TOGARAM2: variants seen among roughly 807,000 people sequenced by gnomAD.
TOGARAM2 encodes TOG array regulator of axonemal microtubules 2.
In TOGARAM2, 85 loss-of-function variants were observed where a neutral mutation model predicts 93.3. That is an observed-to-expected ratio of 0.91 (90% CI 0.76 to 1.09). The LOEUF is 1.09. TOGARAM2 is among the 50% of genes least tolerant of loss of function. The probability of loss-of-function intolerance (pLI) is 0.00; values close to 1 mark genes in which losing one functional copy is unlikely to be tolerated. For missense variants in TOGARAM2, 1,277 were observed against 1,334.5 expected (o/e 0.96, Z 0.67); for synonymous variants, 593 against 552.8 (o/e 1.07, Z -1.02).
rs1667107706 is a variant in TOGARAM2 at position 29,052,066 on chromosome 2, C to A, written c.3033C>A (p.Gly1011=). The A allele has an allele frequency of 6.3e-7, 1 of 1,599,620 alleles. No individual in the cohort carries two copies. Among genetic ancestry groups the A allele is most frequent in the Non-Finnish European group, 8.5e-7 (1 of 1,170,002 alleles). The change falls in exon 20 of 20, where the codon GGC becomes GGA. Residue 1011 remains glycine (G), a synonymous_variant. Transcript: ENST00000379558. The stretch of plus-strand genomic sequence containing the variant: ...TGGCCCCTGACAGCAAGACAACTGG[C>A]AGCTCATACCCTTTTCAGCTGGATT... The part of the protein sequence containing the change: ...RGVAPDSKTT[G]SSYPFQLD
intron 1 of TOGARAM2, among the ~76,000 whole-genome samples, chr2:28,966,253 G>A (rs1485400282): frequency 6.6e-6 from 1 of 151,540 alleles, no homozygotes; most frequent in East Asian, 1.9e-4. Context: ...GGTGTCCCAA[G>A]GTGCCAGGAT....
chr2:29,011,646 C>T (rs751186144), intron 7 of TOGARAM2, 145 bp downstream of exon 7: 18 of 829,936 alleles, frequency 2.2e-5, no homozygotes, highest in Middle Eastern at 2.3e-4. Context: ...CTGAAGTCAC[C>T]GGAGGTCTAA....
chr2:29,013,924 G>A (rs1286983181), intron 7 of TOGARAM2, among the ~76,000 whole-genome samples: 1 of 152,210 alleles, frequency 6.6e-6, no homozygotes, highest in Non-Finnish European at 1.5e-5. Context: ...TGTGAAATGA[G>A]ACTGGACTAG....
chr2:28,986,112 CAAAA>C (rs34903095), intron 1 of TOGARAM2, among the ~76,000 whole-genome samples: 1 of 95,056 alleles, frequency 1.1e-5, no homozygotes. Context: ...AACTGTGTCT[CAAAA>C]AAAAAAAAAA....
At chr2:29,005,618 C>A (rs866738582) in intron 6 of TOGARAM2, among the ~76,000 whole-genome samples, 1 of 21,468 alleles carries the variant, frequency 4.7e-5, no homozygotes, top group Non-Finnish European at 1.8e-4. Flanking sequence ...CATGTGAGTG[C>A]ATGTGTGGAG....
chr2:29,046,191 A>T (rs374962734), intron 19 of TOGARAM2: 1 of 152,270 alleles, frequency 6.6e-6, no homozygotes, highest in East Asian at 1.9e-4. Context: ...GGTTGCTCCA[A>T]TCCTGTTTCT....
chr2:29,043,034 C>T (rs10208411), intron 18 of TOGARAM2, among the ~76,000 whole-genome samples: 17 of 152,240 alleles, frequency 1.1e-4, no homozygotes, highest in South Asian at 2.1e-4. Context: ...TGGGAGGTGA[C>T]GGAGGAAGAA....
At chr2:29,005,812 G>A (rs973195080) in intron 6 of TOGARAM2, among the ~76,000 whole-genome samples, 1 of 149,320 alleles carries the variant, frequency 6.7e-6, no homozygotes, top group African/African-American at 2.5e-5. Flanking sequence ...GTGCATGTGT[G>A]TGAGTGCATG....
chr2:29,004,790 CTGAG>C (rs1342053027), intron 6 of TOGARAM2, among the ~76,000 whole-genome samples: 23 of 147,222 alleles, frequency 1.6e-4, no homozygotes, highest in South Asian at 1.1e-3. Flanking sequence ...GAGTATGTGT[CTGAG>C]TGTGTCTGAG....
intron 13 of TOGARAM2, among the ~76,000 whole-genome samples, chr2:29,026,202 C>T (rs547341622): frequency 1.3e-5 from 2 of 152,354 alleles, no homozygotes; most frequent in East Asian, 3.9e-4. Context: ...GTTTCTGCCT[C>T]ACCCCAGTAC....
At chr2:29,015,013 C>T (rs1277436462) in intron 8 of TOGARAM2, among the ~76,000 whole-genome samples, 1 of 152,192 alleles carries the variant, frequency 6.6e-6, no homozygotes, top group Non-Finnish European at 1.5e-5. Flanking sequence ...CTGGCGAATA[C>T]CTCACACTTC....
intron 1 of TOGARAM2, among the ~76,000 whole-genome samples, chr2:28,971,836 TTGAC>T (rs1239449727): frequency 6.6e-6 from 1 of 152,200 alleles, no homozygotes; most frequent in Admixed American, 6.5e-5. Flanking sequence ...AATTTGTTAT[TTGAC>T]TGTGCTCAAG....
chr2:28,991,016 GT>G (rs1672704691), intron 1 of TOGARAM2, among the ~76,000 whole-genome samples: 1 of 150,784 alleles, frequency 6.6e-6, no homozygotes, highest in Non-Finnish European at 1.5e-5. Flanking sequence ...GTGTGTGTGT[GT>G]GTGTGTGTGT....
chr2:29,003,747 G>A, intron 6 of TOGARAM2, 65 bp downstream of exon 6: 1 of 1,357,728 alleles, frequency 7.4e-7, no homozygotes, highest in Non-Finnish European at 9.7e-7. Flanking sequence ...AGATCCACTG[G>A]GGCTCCTTGT....
At chr2:29,041,013 A>G (rs1328339278) in intron 18 of TOGARAM2, among the ~76,000 whole-genome samples, 1 of 146,586 alleles carries the variant, frequency 6.8e-6, no homozygotes, top group Non-Finnish European at 1.5e-5. Context: ...AGATGATTAT[A>G]CTCTTGAGTC....
chr2:29,034,954 G>A (rs1021558276), intron 16 of TOGARAM2, among the ~76,000 whole-genome samples: 4 of 151,918 alleles, frequency 2.6e-5, no homozygotes, highest in Admixed American at 6.6e-5. Context: ...GTTTGAGACC[G>A]GCCTGGCCAA....
intron 18 of TOGARAM2, among the ~76,000 whole-genome samples, chr2:29,041,768 G>A (rs2148390171): frequency 6.6e-6 from 1 of 152,268 alleles, no homozygotes; most frequent in African/African-American, 2.4e-5. Context: ...AAGGAGCCTA[G>A]GAAAGCACCA....
intron 1 of TOGARAM2, among the ~76,000 whole-genome samples, chr2:28,988,436 G>T (rs1401228637): frequency 6.6e-6 from 1 of 152,042 alleles, no homozygotes; most frequent in Non-Finnish European, 1.5e-5. Flanking sequence ...CAGGGTCCGA[G>T]GACTGGTGCT....
Position 29,035,454 on chromosome 2 carries a change from C to T in TOGARAM2, c.2226-10C>T, listed in dbSNP as rs1558460447. 7.3e-7 allele frequency: 1 copy of T among 1,370,300 alleles called. No individual in the cohort carries two copies. The highest frequency in any genetic ancestry group is 2.7e-5 in the East Asian group (1 of 36,390). 84.9% of individuals were successfully genotyped at this position (1,370,300 alleles called of 1,614,324 possible). On this transcript the variant is annotated splice_polypyrimidine_tract_variant and intron_variant, in intron 16 of 19. Transcript: ENST00000379558. The stretch of plus-strand genomic sequence containing the variant: ...CCCTGGGGGGTTCAGACGCCACGCT[C>T]CTTACCTAGGCTCAGCTGCAATGGC...
Sources: allele counts gnomAD v4.1 joint callset (sites outside exome capture counted in the v4.1 genomes callset), GRCh38; gene constraint gnomAD v4.1.1; transcripts MANE v1.5; gene names NCBI Gene and HGNC (gene_info 2026-07-23, HGNC 2026-07-21).